Variants in HHIP observed in about 807,000 individuals in gnomAD.
The protein encoded by HHIP is hedgehog-interacting protein.
In HHIP, 12 loss-of-function variants were observed where a neutral mutation model predicts 74.0. The ratio of observed to expected loss-of-function variants is 0.16; its 90% CI spans 0.10 to 0.26. The LOEUF is 0.26. Ranked by LOEUF, HHIP falls within the 10% of genes least tolerant of loss-of-function variation. The pLI is 1.00. For missense variants in HHIP, 788 were observed against 845.0 expected, an observed-to-expected ratio of 0.93 and a Z score of 0.84; for synonymous variants, 309 against 311.6, an observed-to-expected ratio of 0.99 and a Z score of 0.09.
rs144933622 is a variant in HHIP at position 144,663,852 on chromosome 4, C to T, written c.831+4014C>T. Among the ~76,000 whole-genome samples, 101 of 152,222 alleles carry T rather than the reference C, an allele frequency of 6.6e-4. 1 individual carries two copies. In the East Asian group the frequency reaches 0.014, roughly 20 times the overall value. ...ATATATAAAACCTTGTTAAAAGCAACAAGGCCACCAGAAGATACTCTAGTG... is the reference window on the plus strand; with the variant it reads ...ATATATAAAACCTTGTTAAAAGCAATAAGGCCACCAGAAGATACTCTAGTG... On this transcript the variant is annotated intron_variant, in intron 4 of 12. Coordinates refer to ENST00000296575, the MANE Select transcript of HHIP (RefSeq NM_022475.3).
At position 144,738,288 on chromosome 4, in the gene HHIP, C is replaced by A. The variant is rs1731176890; in HGVS notation, c.*331C>A. The A allele has an allele frequency of 3.1e-6, 3 of 981,920 alleles. No individual in the cohort carries two copies. In the South Asian group the frequency reaches 1.4e-4, roughly 46 times the overall value. The allele number at this position is 981,920 out of a possible 1,614,324, so 60.8% of individuals were successfully genotyped here. A position where few individuals can be genotyped will look rare whatever the true frequency, so the allele number is the denominator to read the frequency against. Reference sequence around the variant, plus strand: ...TATGTTACTAGAAGAGATTATTTGACTTCCCAGGAATTTTCTGTCTGTAAT... The same window carrying A: ...TATGTTACTAGAAGAGATTATTTGAATTCCCAGGAATTTTCTGTCTGTAAT... On this transcript the variant is annotated 3_prime_UTR_variant, in exon 13 of 13. Coordinates refer to ENST00000296575, the MANE Select transcript of HHIP (RefSeq NM_022475.3).
At chr4:144,683,339 G>A (rs750510279) in intron 4 of HHIP, among the ~76,000 whole-genome samples, 2 of 151,906 alleles carry the variant, frequency 1.3e-5, no homozygotes, top group South Asian at 2.1e-4. Context: ...ATAATAAGTC[G>A]GTATTTTATG....
At chr4:144,704,555 C>A (rs1730077252) in intron 4 of HHIP, among the ~76,000 whole-genome samples, 2 of 152,176 alleles carry the variant, frequency 1.3e-5, no homozygotes, top group Admixed American at 1.3e-4. Flanking sequence ...ATTCTTAATT[C>A]CTGAGAAGCA....
chr4:144,656,012 A>T (rs1002513838), intron 2 of HHIP, among the ~76,000 whole-genome samples: 2 of 152,212 alleles, frequency 1.3e-5, no homozygotes, highest in African/African-American at 4.8e-5. Flanking sequence ...TTTGTTCATT[A>T]TTAGTAGACC....
intron 4 of HHIP, among the ~76,000 whole-genome samples, chr4:144,666,037 T>A (rs1317742485): frequency 3.9e-5 from 6 of 152,188 alleles, no homozygotes; most frequent in Non-Finnish European, 7.3e-5. Flanking sequence ...AAAGGGCATC[T>A]CTTTAAGTGA....
At chr4:144,674,291 C>A (rs764254673) in intron 4 of HHIP, among the ~76,000 whole-genome samples, 14 of 152,148 alleles carry the variant, frequency 9.2e-5, no homozygotes, top group Non-Finnish European at 1.9e-4. Context: ...CATATTTTAA[C>A]TTCTAGCAAT....
intron 4 of HHIP, among the ~76,000 whole-genome samples, chr4:144,681,142 A>T (rs1180795993): frequency 6.6e-6 from 1 of 152,210 alleles, no homozygotes; most frequent in Non-Finnish European, 1.5e-5. Context: ...AATATATCAG[A>T]TTCACCATCT....
intron 11 of HHIP, among the ~76,000 whole-genome samples, chr4:144,729,317 C>A (rs1256671905): frequency 7.2e-5 from 11 of 152,110 alleles, no homozygotes; most frequent in Non-Finnish European, 1.6e-4. Context: ...ATTCATTAAA[C>A]CATAGAATCT....
chr4:144,694,730 T>C (rs974083448), intron 4 of HHIP, among the ~76,000 whole-genome samples: 2 of 151,856 alleles, frequency 1.3e-5, no homozygotes, highest in Admixed American at 6.6e-5. Flanking sequence ...AGTAAAAAGG[T>C]ATAAATCACA....
At chr4:144,713,563 A>G (rs1730359532) in intron 8 of HHIP, among the ~76,000 whole-genome samples, 1 of 152,194 alleles carries the variant, frequency 6.6e-6, no homozygotes, top group Non-Finnish European at 1.5e-5. Flanking sequence ...GCATGCAGAT[A>G]TCCAAGTATG....
Position 144,647,925 on chromosome 4 carries a change from A to T in HHIP, c.279+971A>T, listed in dbSNP as rs530077318. Among the ~76,000 whole-genome samples, 5 of 152,166 alleles carry T rather than the reference A, an allele frequency of 3.3e-5. No homozygotes were observed. In the East Asian group the frequency reaches 9.7e-4, roughly 29 times the overall value. ...AGAATTCCTCTGTTAGAACACTGCC[A>T]GTTGTCAAGGTCTGAGAGACTCTTG... On this transcript the variant is annotated intron_variant, in intron 1 of 12. Transcript: ENST00000296575.
rs139990758 is a variant in HHIP, at chr4:144,678,429, A to T, written c.831+18591A>T. Among the ~76,000 whole-genome samples, 818 of 152,280 alleles carry T rather than the reference A, an allele frequency of 5.4e-3. 8 individuals are homozygous for T. Among genetic ancestry groups the T allele is most frequent in the African/African-American group, 0.019 (798 of 41,552 alleles). On this transcript the variant is annotated intron_variant, in intron 4 of 12. Transcript: ENST00000296575. ...TATTACACTTTAAGTTCTGGGATGC[A>T]TGTGCAGAACATGCAGGTTTGTTAC...
intron 4 of HHIP, among the ~76,000 whole-genome samples, chr4:144,699,163 T>C (rs1411515848): frequency 1.3e-5 from 2 of 152,154 alleles, no homozygotes; most frequent in Admixed American, 6.6e-5. Flanking sequence ...CAACCACAAA[T>C]GGGATGCCCA....
intron 4 of HHIP, among the ~76,000 whole-genome samples, chr4:144,687,550 G>A (rs187578411): frequency 6.6e-6 from 1 of 152,188 alleles, no homozygotes; most frequent in Admixed American, 6.6e-5. Flanking sequence ...TGCTCATAGT[G>A]TAGTGAGCCT....
Position 144,659,797 on chromosome 4 carries a change from C to G in HHIP, c.790C>G (p.Pro264Ala), listed in dbSNP as rs773857313. The G allele has an allele frequency of 2.5e-6, 4 of 1,610,738 alleles. No individual in the cohort carries two copies. The highest frequency in any genetic ancestry group is 1.7e-5 in the Admixed American group (1 of 59,338). Residue 264 changes from proline (P) to alanine (A), a missense_variant, in exon 4 of 13, where the codon CCT becomes GCT. By Grantham distance (27) the Pro-to-Ala change is conservative (BLOSUM62 -1). Coordinates refer to ENST00000296575, the MANE Select transcript of HHIP (RefSeq NM_022475.3). ...CCCTGAAGGAGAAATTTTCAAGGAG[C>G]CTTATTTGGACATTCACAAACTTGT... Reference protein sequence around the residue: ...LTPEGEIFKEPYLDIHKLVQS... With the variant: ...LTPEGEIFKEAYLDIHKLVQS...
At chr4:144,705,095 A>G (rs994814684) in intron 4 of HHIP, among the ~76,000 whole-genome samples, 3 of 152,158 alleles carry the variant, frequency 2.0e-5, no homozygotes. Flanking sequence ...CGTTCTGTGT[A>G]TTTGCAGCCA....
intron 4 of HHIP, among the ~76,000 whole-genome samples, chr4:144,678,266 TTTTG>T (rs1729227996): frequency 6.6e-6 from 1 of 152,132 alleles, no homozygotes; most frequent in Non-Finnish European, 1.5e-5. Context: ...AATGATGAGG[TTTTG>T]TACTTTGGTA....
At chr4:144,735,421 C>A (rs1051537870) in intron 12 of HHIP, among the ~76,000 whole-genome samples, 2 of 152,066 alleles carry the variant, frequency 1.3e-5, no homozygotes, top group African/African-American at 4.8e-5. Context: ...TTTTGCCACT[C>A]CCCTGTGAAC....
chr4:144,691,356 T>G (rs1366923097), intron 4 of HHIP, among the ~76,000 whole-genome samples: 1 of 152,202 alleles, frequency 6.6e-6, no homozygotes, highest in African/African-American at 2.4e-5. Flanking sequence ...CCCTGATTCC[T>G]GCTGTCTAGG....
Sources: allele counts gnomAD v4.1 joint callset (sites outside exome capture counted in the v4.1 genomes callset), GRCh38; gene constraint gnomAD v4.1.1; transcripts MANE v1.5; gene names NCBI Gene and HGNC (gene_info 2026-07-23, HGNC 2026-07-21).